ADAMTS19: variants seen among roughly 807,000 people sequenced by gnomAD.
The protein encoded by ADAMTS19 is ADAM metallopeptidase with thrombospondin type 1 motif 19, also known as A disintegrin and metalloproteinase with thrombospondin motifs 19.
A neutral mutation model predicts 153.3 loss-of-function variants in ADAMTS19; 93 were observed. The ratio of observed to expected loss-of-function variants is 0.61; its 90% CI spans 0.51 to 0.72. The LOEUF (loss-of-function observed/expected upper bound fraction) is 0.72. Ranked by LOEUF, ADAMTS19 falls within the 30% of genes least tolerant of loss-of-function variation. The pLI is 0.00. For synonymous variants in ADAMTS19, 600 were observed against 556.6 expected (o/e 1.08, Z -1.10); for missense variants, 1,482 against 1,552.1 (o/e 0.95, Z 0.76).
chr5:129,587,178 C>A (rs1269622020), intron 7 of ADAMTS19, among the ~76,000 whole-genome samples: 1 of 151,982 alleles, frequency 6.6e-6, no homozygotes, highest in African/African-American at 2.4e-5. Context: ...ATTATATAAT[C>A]TACTGATTAT....
In ADAMTS19 at chr5:129,461,169, G is replaced by A. The variant is rs574321008; in HGVS notation, c.159G>A (p.Pro53=). 51 of 1,385,096 alleles carry A rather than the reference G, an allele frequency of 3.7e-5. No individual in the cohort carries two copies. In the African/African-American group the frequency reaches 6.6e-4, roughly 18 times the overall value. The allele number at this position is 1,385,096 out of a possible 1,614,324, so 85.8% of individuals were successfully genotyped here. A position where few individuals can be genotyped will look rare whatever the true frequency, so the allele number is the denominator to read the frequency against. Residue 53 remains proline (P), a synonymous_variant, in exon 2 of 23, where the codon CCG becomes CCA. Transcript: ENST00000274487. The surrounding 1 kb of genome is among the most constrained non-coding windows in gnomAD (Gnocchi z 4.6). ...VVFPALWRRE[P]VDPAGGSGGS... is the part of the protein sequence containing the mutation. Reference sequence around the variant, plus strand: ...TTCCTGCGCTCTGGCGCCGGGAGCCGGTGGACCCGGCTGGCGGCAGCGGGG... The same window carrying A: ...TTCCTGCGCTCTGGCGCCGGGAGCCAGTGGACCCGGCTGGCGGCAGCGGGG...
intron 7 of ADAMTS19, among the ~76,000 whole-genome samples, chr5:129,589,397 A>AT (rs968399374): frequency 6.6e-6 from 1 of 151,842 alleles, no homozygotes; most frequent in Non-Finnish European, 1.5e-5. Flanking sequence ...TTGTGTAGTT[A>AT]TTTATACATT....
rs28761021 is a variant in ADAMTS19, at chr5:129,536,580, G to A, written c.1328+7903G>A. Among the ~76,000 whole-genome samples the A allele has an allele frequency of 1.8e-4, 28 of 152,092 alleles. No homozygotes were observed. In the South Asian group the frequency reaches 2.1e-3, roughly 12 times the overall value. On this transcript the variant is annotated intron_variant, in intron 6 of 22. Transcript: ENST00000274487. ...TTACTGGGTATATACCCAAAGGACT[G>A]TAAATCATGCTGCTATAAAGACACA... is the stretch of plus-strand genomic sequence containing the variant.
chr5:129,695,090 ACT>A (rs2127149033), intron 19 of ADAMTS19, among the ~76,000 whole-genome samples: 1 of 152,292 alleles, frequency 6.6e-6, no homozygotes, highest in South Asian at 2.1e-4. Context: ...AATTAAGATC[ACT>A]TTTTATTTAA....
At chr5:129,600,962 C>A (rs1363337776) in intron 8 of ADAMTS19, among the ~76,000 whole-genome samples, 1 of 152,112 alleles carries the variant, frequency 6.6e-6, no homozygotes, top group Non-Finnish European at 1.5e-5. Flanking sequence ...CCTCCACCTT[C>A]CGGGTTCAAG....
chr5:129,578,952 T>C (rs923975243), intron 7 of ADAMTS19, among the ~76,000 whole-genome samples: 7 of 152,194 alleles, frequency 4.6e-5, no homozygotes, highest in Non-Finnish European at 8.8e-5. Flanking sequence ...TTTGGGTATA[T>C]ACCCAGTAAT....
intron 18 of ADAMTS19, among the ~76,000 whole-genome samples, chr5:129,689,332 C>T (rs2127138653): frequency 6.6e-6 from 1 of 152,296 alleles, no homozygotes; most frequent in East Asian, 1.9e-4. Context: ...TTGAGGAAAA[C>T]ATTTCAGTAT....
chr5:129,573,861 A>G (rs1753999745), intron 7 of ADAMTS19, among the ~76,000 whole-genome samples: 1 of 152,106 alleles, frequency 6.6e-6, no homozygotes, highest in South Asian at 2.1e-4. Context: ...TAAATAATAT[A>G]TGAATATTAA....
intron 10 of ADAMTS19, among the ~76,000 whole-genome samples, chr5:129,633,242 C>T (rs1422069333): frequency 2.0e-5 from 3 of 151,978 alleles, no homozygotes; most frequent in East Asian, 3.9e-4. Flanking sequence ...TTAAACTTTT[C>T]TCTTGAGATA....
At chr5:129,683,861 A>G (rs1178231130) in intron 17 of ADAMTS19, among the ~76,000 whole-genome samples, 1 of 149,444 alleles carries the variant, frequency 6.7e-6, no homozygotes, top group Non-Finnish European at 1.5e-5. Context: ...CACTCAAATG[A>G]GCTTTTCTTA....
chr5:129,707,786 A>G (rs1474458459), intron 21 of ADAMTS19, among the ~76,000 whole-genome samples: 1 of 152,180 alleles, frequency 6.6e-6, no homozygotes, highest in East Asian at 1.9e-4. Flanking sequence ...TTAAAGTGTC[A>G]ATACTAAAGT....
rs1260918789 is a variant in ADAMTS19 at position 129,509,256 on chromosome 5, C to G, written c.913+14C>G. 6.2e-7 allele frequency: 1 copy of G among 1,602,558 alleles called. No homozygotes were observed. Among genetic ancestry groups the G allele is most frequent in the Non-Finnish European group, 8.5e-7 (1 of 1,174,756 alleles). ...GTATCATTTCAGGTAAATGCCTTCT[C>G]CTGAAAGAGTTTTAAGTAAATATTC... On this transcript the variant is annotated intron_variant, in intron 3 of 22. Transcript: ENST00000274487.
At chr5:129,462,832 T>G (rs1180510751) in intron 2 of ADAMTS19, among the ~76,000 whole-genome samples, 1 of 152,174 alleles carries the variant, frequency 6.6e-6, no homozygotes, top group African/African-American at 2.4e-5. Flanking sequence ...TTGCTGTTCA[T>G]AGTGAGCCAC....
intron 7 of ADAMTS19, among the ~76,000 whole-genome samples, chr5:129,559,208 T>C (rs1753415463): frequency 6.6e-6 from 1 of 152,068 alleles, no homozygotes; most frequent in Non-Finnish European, 1.5e-5. Context: ...AGGTGAATCT[T>C]AGAATTATTG....
At chr5:129,660,194 T>C (rs1276022559) in intron 15 of ADAMTS19, among the ~76,000 whole-genome samples, 1 of 152,108 alleles carries the variant, frequency 6.6e-6, no homozygotes, top group Non-Finnish European at 1.5e-5. Context: ...AGGCCTATGG[T>C]AAATTGCAGA....
chr5:129,499,195 A>G (rs7712756), intron 2 of ADAMTS19, among the ~76,000 whole-genome samples: 17,329 of 152,096 alleles, frequency 0.11, 1,117 homozygotes, highest in Middle Eastern at 0.18. Flanking sequence ...AAATTATTAC[A>G]TGTAACAAGA....
Position 129,559,252 on chromosome 5 carries a change from C to A in ADAMTS19, c.1372+7345C>A, listed in dbSNP as rs542583167. Among the ~76,000 whole-genome samples the A allele has an allele frequency of 2.0e-4, 31 of 151,786 alleles. No homozygotes were observed. The South Asian group carries it at 6.4e-3, about 31-fold the overall frequency. ...TAATAGTATTTCCAATACATGTAAC[C>A]AACAAAGTATTAGAACCCAGAGTAT... On this transcript the variant is annotated intron_variant, in intron 7 of 22. Transcript: ENST00000274487.
intron 21 of ADAMTS19, among the ~76,000 whole-genome samples, chr5:129,730,716 T>A (rs146273489): frequency 8.5e-5 from 13 of 152,270 alleles, no homozygotes; most frequent in African/African-American, 2.4e-4. Flanking sequence ...AAATGCAGAT[T>A]CCCAGATCTC....
chr5:129,663,174 G>A (rs1054689242), intron 15 of ADAMTS19, among the ~76,000 whole-genome samples: 42 of 152,210 alleles, frequency 2.8e-4, no homozygotes, highest in Admixed American at 2.0e-3. Context: ...GATTATAGGC[G>A]TTAGCCACCA....
Sources: gnomAD v4.1 joint callset for allele counts (sites outside exome capture counted in the v4.1 genomes callset) on GRCh38, gnomAD v4.1.1 for gene constraint, Gnocchi (gnomAD v3.1) non-coding constraint, MANE v1.5 for transcripts, NCBI Gene and HGNC (gene_info 2026-07-23, HGNC 2026-07-21) for gene names.